The following FNIP1 variants were observed in gnomAD, a reference collection of about 807,000 sequenced individuals.
FNIP1 encodes the protein folliculin-interacting protein 1.
A neutral mutation model predicts 124.5 loss-of-function variants in FNIP1; 40 were observed. The observed-to-expected ratio is 0.32, with a 90% CI of 0.25 to 0.42. The LOEUF (loss-of-function observed/expected upper bound fraction) is 0.42. Ranked by LOEUF, FNIP1 falls within the 10% of genes least tolerant of loss-of-function variation. The pLI is 1.00. For synonymous variants in FNIP1, 472 were observed against 470.6 expected (o/e 1.00, Z -0.04); for missense variants, 1,176 against 1,403.7 (o/e 0.84, Z 2.59).
chr5:131,782,491 C>T (rs973186959), intron 1 of FNIP1, among the ~76,000 whole-genome samples: 7 of 151,920 alleles, frequency 4.6e-5, no homozygotes, highest in East Asian at 1.9e-4. Context: ...CTTGAGCCCG[C>T]GAGGCAGAGG....
chr5:131,659,949 G>A (rs915599018), intron 15 of FNIP1, among the ~76,000 whole-genome samples: 2 of 152,206 alleles, frequency 1.3e-5, no homozygotes, highest in Admixed American at 6.5e-5. Flanking sequence ...TCTGGGCCTT[G>A]TTGCTCACAT....
intron 2 of FNIP1, among the ~76,000 whole-genome samples, chr5:131,740,857 T>TA (rs1770489909): frequency 6.6e-6 from 1 of 152,146 alleles, no homozygotes; most frequent in African/African-American, 2.4e-5. Context: ...AGAAGCTGGC[T>TA]AAAATGCACC....
intron 1 of FNIP1, among the ~76,000 whole-genome samples, chr5:131,767,749 T>C: frequency 6.6e-6 from 1 of 152,202 alleles, no homozygotes; most frequent in East Asian, 1.9e-4. Context: ...GGAATTATAA[T>C]TCTCTAATCT....
At chr5:131,692,321 C>G (rs554610382) in intron 11 of FNIP1, among the ~76,000 whole-genome samples, 10 of 151,928 alleles carry the variant, frequency 6.6e-5, no homozygotes, top group Admixed American at 3.9e-4. Flanking sequence ...CCCTGACCCC[C>G]CCAAAAAACA....
chr5:131,644,653 T>G lies in FNIP1; in HGVS notation c.*32A>C. Reference sequence around the variant, plus strand: ...TCTGCTTCCTTGGTTTCTACCTATTTTCCCACCAATTTCTAACAATTTTTA... The same window carrying G: ...TCTGCTTCCTTGGTTTCTACCTATTGTCCCACCAATTTCTAACAATTTTTA... On this transcript the variant is annotated 3_prime_UTR_variant, in exon 18 of 18. Transcript: ENST00000510461. 6.3e-7 allele frequency: 1 copy of G among 1,589,660 alleles called. No homozygotes were observed. Among genetic ancestry groups the G allele is most frequent in the Non-Finnish European group, 8.6e-7 (1 of 1,158,578 alleles).
At chr5:131,657,170 A>ATT (rs2149507454) in intron 15 of FNIP1, among the ~76,000 whole-genome samples, 1 of 151,938 alleles carries the variant, frequency 6.6e-6, no homozygotes, top group Admixed American at 6.5e-5. Context: ...TGCCTGGCTC[A>ATT]TTTGTGTATT....
At chr5:131,687,576 G>A (rs572018168) in intron 11 of FNIP1, among the ~76,000 whole-genome samples, 1 of 152,184 alleles carries the variant, frequency 6.6e-6, no homozygotes, top group Non-Finnish European at 1.5e-5. Flanking sequence ...TGAAGGAACT[G>A]AAAAATCAAT....
intron 3 of FNIP1, 75 bp downstream of exon 3, chr5:131,730,829 T>G: frequency 8.2e-7 from 1 of 1,213,644 alleles, no homozygotes; most frequent in East Asian, 2.5e-5. Flanking sequence ...TGCTATTATA[T>G]CTCCACAGTC....
chr5:131,693,656 T>A (rs981132290), intron 11 of FNIP1, among the ~76,000 whole-genome samples: 2 of 152,026 alleles, frequency 1.3e-5, no homozygotes, highest in African/African-American at 4.8e-5. Context: ...ATAATCTAAA[T>A]GACCTTTGGT....
At chr5:131,645,019 T>C (rs1054277985) in intron 17 of FNIP1, among the ~76,000 whole-genome samples, 10 of 152,178 alleles carry the variant, frequency 6.6e-5, no homozygotes, top group African/African-American at 2.4e-4. Context: ...GACTAACAAC[T>C]GCAATCTAGT....
intron 15 of FNIP1, among the ~76,000 whole-genome samples, chr5:131,657,249 A>C (rs915000118): frequency 2.6e-5 from 4 of 151,246 alleles, no homozygotes; most frequent in African/African-American, 9.7e-5. Context: ...TGATCCACAC[A>C]CCTCAGCCTC....
chr5:131,716,693 T>C (rs763867142), intron 5 of FNIP1, 37 bp from the exon 6 acceptor site: 4 of 1,359,172 alleles, frequency 2.9e-6, no homozygotes, highest in Admixed American at 3.9e-5. Context: ...TCCAAATTCA[T>C]TTTATGGTTT....
At chr5:131,706,824 T>C (rs1327280122) in intron 8 of FNIP1, among the ~76,000 whole-genome samples, 2 of 152,196 alleles carry the variant, frequency 1.3e-5, no homozygotes, top group Non-Finnish European at 2.9e-5. Context: ...CAAGGCATTA[T>C]CCCTTTGGCC....
intron 2 of FNIP1, among the ~76,000 whole-genome samples, chr5:131,738,812 CT>C (rs71806851): frequency 0.14 from 19,240 of 139,784 alleles, 3,093 homozygotes; most frequent in African/African-American, 0.41. Flanking sequence ...TGCATCCGGC[CT>C]TTTTTTTTTT....
At chr5:131,700,728 T>C (rs932779482) in intron 10 of FNIP1, among the ~76,000 whole-genome samples, 1 of 151,396 alleles carries the variant, frequency 6.6e-6, no homozygotes, top group African/African-American at 2.4e-5. Flanking sequence ...ACAAAATCCA[T>C]AGCTTTTATT....
At chr5:131,657,019 C>CTTTTTTT (rs71000999) in intron 15 of FNIP1, among the ~76,000 whole-genome samples, 2 of 89,624 alleles carry the variant, frequency 2.2e-5, no homozygotes, top group Non-Finnish European at 4.1e-5. Context: ...CCACCCATGC[C>CTTTTTTT]TTTTTTTTTT....
chr5:131,708,440 C>A (rs1171201513), intron 8 of FNIP1, among the ~76,000 whole-genome samples: 1 of 152,190 alleles, frequency 6.6e-6, no homozygotes, highest in African/African-American at 2.4e-5. Flanking sequence ...TGGGCCCCAA[C>A]AAACACTTTT....
intron 1 of FNIP1, among the ~76,000 whole-genome samples, chr5:131,794,619 G>A (rs1772516279): frequency 6.6e-6 from 1 of 152,104 alleles, no homozygotes; most frequent in African/African-American, 2.4e-5. Context: ...CCATACAATG[G>A]AATACCATTC....
At chr5:131,753,025 T>C (rs747812707) in intron 1 of FNIP1, among the ~76,000 whole-genome samples, 8 of 152,286 alleles carry the variant, frequency 5.3e-5, no homozygotes, top group East Asian at 1.9e-4. Context: ...TGAGCCACGA[T>C]TGCATCACTG....
Sources: gnomAD v4.1 joint callset for allele counts (sites outside exome capture counted in the v4.1 genomes callset) on GRCh38, gnomAD v4.1.1 for gene constraint, MANE v1.5 for transcripts, NCBI Gene and HGNC (gene_info 2026-07-23, HGNC 2026-07-21) for gene names.